The following AASDH variants were observed in gnomAD, a reference collection of about 807,000 sequenced individuals.
AASDH encodes the protein beta-alanine-activating enzyme.
AASDH carries 81 observed loss-of-function variants against 102.3 expected under a neutral mutation model. That is an observed-to-expected ratio of 0.79 (90% CI 0.66 to 0.95). AASDH has a LOEUF of 0.95. AASDH is among the 40% of genes least tolerant of loss of function. AASDH has a pLI of 0.00. For missense variants in AASDH, 1,203 were observed against 1,266.2 expected (o/e 0.95, Z 0.76); for synonymous variants, 398 against 454.0 (o/e 0.88, Z 1.57).
At chr4:56,343,777 A>T in intron 12 of AASDH, 93 bp from the exon 13 acceptor site, 1 of 1,270,828 alleles carries the variant, frequency 7.9e-7, no homozygotes, top group Non-Finnish European at 1.1e-6. Context: ...TTTAGTTAAT[A>T]TAAGTTTTTA....
chr4:56,364,930 G>A (rs1205142257), intron 5 of AASDH, among the ~76,000 whole-genome samples: 2 of 152,116 alleles, frequency 1.3e-5, no homozygotes, highest in African/African-American at 4.8e-5. Flanking sequence ...TGGCAAATTG[G>A]ATAAAGAGTC....
rs1753123991 is a variant in AASDH, at chr4:56,382,721, T to C, written c.231-124A>G. The C allele has an allele frequency of 2.8e-6, 3 of 1,082,570 alleles. No homozygotes were observed. In the East Asian group the frequency reaches 8.6e-5, roughly 31 times the overall value. The allele number at this position is 1,082,570 out of a possible 1,614,324, so 67.1% of individuals were successfully genotyped here. ...AGCATAAAAATGGTTTCCGGAGCAC[T>C]TTATTGCTGATCAGAAATTTCCAAT... On this transcript the variant is annotated intron_variant, in intron 2 of 14. Transcript: ENST00000205214.
rs1188327058 is a variant in AASDH at position 56,378,359 on chromosome 4, A to T, written c.457T>A (p.Leu153Met). ...RLHWKNTEVNLMLNDGKEKYE... is the reference protein window; with the variant it reads ...RLHWKNTEVNMMLNDGKEKYE... ...TTCTCTTTTCCATCATTTAGCATCA[A>T]GTTCACCTCAGTATTTTTCCAGTGA... The change falls in exon 4 of 15, where the codon TTG becomes ATG. Residue 153 changes from leucine (L) to methionine (M), a missense_variant. Leu to Met is a conservative substitution (Grantham distance 15). Transcript: ENST00000205214. 1.9e-6 allele frequency: 3 copies of T among 1,613,752 alleles called. No homozygotes were observed. The South Asian group carries it at 3.3e-5, about 18-fold the overall frequency.
chr4:56,365,086 A>G (rs1450948227), intron 5 of AASDH, among the ~76,000 whole-genome samples: 2 of 152,210 alleles, frequency 1.3e-5, no homozygotes, highest in Non-Finnish European at 2.9e-5. Flanking sequence ...CGGATAAAAT[A>G]GACTTTAAAC....
chr4:56,386,325 A>C (rs1368103433), intron 1 of AASDH, among the ~76,000 whole-genome samples: 1 of 152,194 alleles, frequency 6.6e-6, no homozygotes, highest in Non-Finnish European at 1.5e-5. Context: ...GTACCTACAC[A>C]TCTATACGAT....
intron 5 of AASDH, among the ~76,000 whole-genome samples, chr4:56,366,595 T>A (rs1751041970): frequency 6.6e-6 from 1 of 152,104 alleles, no homozygotes; most frequent in Non-Finnish European, 1.5e-5. Context: ...TAATCCAGCA[T>A]ATAAACAGAA....
intron 1 of AASDH, among the ~76,000 whole-genome samples, chr4:56,386,552 G>A (rs966093929): frequency 2.6e-5 from 4 of 151,918 alleles, no homozygotes; most frequent in African/African-American, 4.8e-5. Context: ...CCAGCACTTT[G>A]GGAGGCCGAG....
At chr4:56,359,535 G>A (rs115597178) in intron 5 of AASDH, among the ~76,000 whole-genome samples, 2,417 of 151,890 alleles carry the variant, frequency 0.016, 74 homozygotes, top group African/African-American at 0.055. Context: ...GAGTATAGGC[G>A]TGAGTCACCT....
chr4:56,376,842 C>A (rs547839652), intron 4 of AASDH, among the ~76,000 whole-genome samples: 1 of 151,724 alleles, frequency 6.6e-6, no homozygotes, highest in Non-Finnish European at 1.5e-5. Context: ...CCGAGGCGGG[C>A]GGATCACGAG....
At chr4:56,345,690 G>A (rs1748252831) in intron 11 of AASDH, among the ~76,000 whole-genome samples, 1 of 152,130 alleles carries the variant, frequency 6.6e-6, no homozygotes, top group Non-Finnish European at 1.5e-5. Flanking sequence ...GCAGAATGTG[G>A]AGTCATCTAC....
chr4:56,338,384 A>AAT lies in AASDH; in HGVS notation c.*16_*17dup. On this transcript the variant is annotated 3_prime_UTR_variant, in exon 15 of 15. Coordinates refer to ENST00000205214, the MANE Select transcript of AASDH (RefSeq NM_181806.4). ...TCAAATATCTCACATTTGTTATACA[A>AAT]ATAAGGACTGTATTTGATTATTTTT... 6.2e-7 allele frequency: 1 copy of AAT among 1,606,468 alleles called. No individual in the cohort carries two copies. The highest frequency in any genetic ancestry group is 8.5e-7 in the Non-Finnish European group (1 of 1,175,570).
chr4:56,363,571 C>T (rs1475078935), intron 5 of AASDH, among the ~76,000 whole-genome samples: 2 of 152,136 alleles, frequency 1.3e-5, no homozygotes, highest in East Asian at 1.9e-4. Context: ...CACCAATATC[C>T]GCTGTTCTGC....
rs1180050725 is a variant in AASDH at position 56,366,671 on chromosome 4, C to T, written c.861+4780G>A. Reference sequence around the variant, plus strand: ...AAAGGCCTTTGACAAAATTCAACAACCCTTCATGCTAAAAACTCTCAATAA... The same window carrying T: ...AAAGGCCTTTGACAAAATTCAACAATCCTTCATGCTAAAAACTCTCAATAA... On this transcript the variant is annotated intron_variant, in intron 5 of 14. Coordinates refer to ENST00000205214, the MANE Select transcript of AASDH (RefSeq NM_181806.4). Among the ~76,000 whole-genome samples, 8 of 151,426 alleles carry T rather than the reference C, an allele frequency of 5.3e-5. No homozygotes were observed. The South Asian group carries it at 1.7e-3, about 32-fold the overall frequency.
At position 56,354,696 on chromosome 4, in the gene AASDH, TA is replaced by T. The variant is rs1261805430; in HGVS notation, c.1210+8del. The T allele has an allele frequency of 1.3e-6, 2 of 1,583,136 alleles. No homozygotes were observed. Among genetic ancestry groups the T allele is most frequent in the African/African-American group, 1.4e-5 (1 of 73,340 alleles). Reference sequence around the variant, plus strand: ...AAAAAAAATTCCCAATCAACAAATATAAAACAACCTAAAAATACTTGGCCAC... The same window carrying T: ...AAAAAAAATTCCCAATCAACAAATATAAACAACCTAAAAATACTTGGCCAC... On this transcript the variant is annotated splice_region_variant and intron_variant, in intron 7 of 14. Transcript: ENST00000205214.
Position 56,349,396 on chromosome 4 carries a change from C to CATCT in AASDH, c.2354_2355insAGAT (p.Tyr786AspfsTer9), listed in dbSNP as rs1341620936. 6.2e-7 allele frequency: 1 copy of CATCT among 1,614,134 alleles called. No individual in the cohort carries two copies. Among genetic ancestry groups the CATCT allele is most frequent in the Non-Finnish European group, 8.5e-7 (1 of 1,180,040 alleles). On this transcript the variant is annotated frameshift_variant, in exon 11 of 15. Transcript: ENST00000205214. LOFTEE classifies it high-confidence loss of function. The stretch of plus-strand genomic sequence containing the variant: ...TTCTATGAGAATGGGAACCAATGTA[C>CATCT]ACAGTTGTAGATGACTTATCAAAAG...
At chr4:56,346,569 G>A (rs56406704) in intron 11 of AASDH, among the ~76,000 whole-genome samples, 12,864 of 152,002 alleles carry the variant, frequency 0.085, 707 homozygotes, top group East Asian at 0.25. Context: ...ATGTCACTAC[G>A]CTAAAAGAAT....
chr4:56,373,947 A>AT (rs1220434465), intron 4 of AASDH, among the ~76,000 whole-genome samples: 1 of 152,218 alleles, frequency 6.6e-6, no homozygotes, highest in East Asian at 1.9e-4. Context: ...TGCAACAAAC[A>AT]TTTAAACATA....
chr4:56,341,389 C>CTTTTTTT lies in AASDH; in HGVS notation c.2907+1439_2907+1445dup, dbSNP rs575687659. On this transcript the variant is annotated intron_variant, in intron 14 of 14. Transcript: ENST00000205214. ...CATGGATGGAACTGGAGACTTTTATCTTTTTTTTTTTTTTTTTTTTTGGAG... is the reference window on the plus strand; with the variant it reads ...CATGGATGGAACTGGAGACTTTTATCTTTTTTTTTTTTTTTTTTTTTTTTTTTTGGAG... 3.8e-4 allele frequency among the ~76,000 whole-genome samples: 35 copies of CTTTTTTT among 92,402 alleles called. 3 individuals carry two copies. The highest frequency in any genetic ancestry group is 7.3e-4 in the African/African-American group (17 of 23,154). The allele number at this position is 92,402 out of a possible 152,430, so 60.6% of individuals were successfully genotyped here.
At chr4:56,369,008 C>T (rs1283982933) in intron 5 of AASDH, among the ~76,000 whole-genome samples, 2 of 152,094 alleles carry the variant, frequency 1.3e-5, no homozygotes, top group South Asian at 4.1e-4. Context: ...CTGTCAGCTT[C>T]TATACCTCTC....
Sources: allele counts gnomAD v4.1 joint callset (sites outside exome capture counted in the v4.1 genomes callset), GRCh38; gene constraint gnomAD v4.1.1; transcripts MANE v1.5; gene names NCBI Gene and HGNC (gene_info 2026-07-23, HGNC 2026-07-21).